Variants in SDK1 observed in about 807,000 individuals in gnomAD.
SDK1 encodes the protein protein sidekick-1.
A neutral mutation model predicts 245.5 loss-of-function variants in SDK1; 157 were observed. The observed-to-expected ratio is 0.64, with a 90% confidence interval of 0.56 to 0.73. SDK1 has a LOEUF of 0.73. Among genes scored for constraint, SDK1 ranks in the 30% least tolerant of loss-of-function variants. The pLI is 0.00. For synonymous variants in SDK1, 1,647 were observed against 1,278.5 expected (o/e 1.29, Z -6.15); for missense variants, 3,583 against 3,002.3 (o/e 1.19, Z -4.52).
chr7:3,768,313 G>T (rs1226536367), intron 4 of SDK1, among the ~76,000 whole-genome samples: 1 of 152,200 alleles, frequency 6.6e-6, no homozygotes, highest in African/African-American at 2.4e-5. Flanking sequence ...AAAGCAGAGT[G>T]TGAAGGTCCC....
intron 1 of SDK1, among the ~76,000 whole-genome samples, chr7:3,373,553 A>T (rs1426995208): frequency 4.6e-5 from 7 of 152,158 alleles, no homozygotes; most frequent in Middle Eastern, 3.2e-3. Flanking sequence ...TTAATAGTCA[A>T]CATCATTTAT....
In SDK1 at chr7:3,883,471, C is replaced by A. The variant is rs566648629; in HGVS notation, c.847+61888C>A. 2.6e-5 allele frequency among the ~76,000 whole-genome samples: 4 copies of A among 152,178 alleles called. No individual in the cohort carries two copies. The South Asian group carries it at 8.3e-4, about 32-fold the overall frequency. On this transcript the variant is annotated intron_variant, in intron 5 of 44. Coordinates refer to ENST00000404826, the MANE Select transcript of SDK1 (RefSeq NM_152744.4). ...CATGCAGGTGTGTGTATGTGTGCGG[C>A]CCTTCATTATTTGAGGCCCCTAAAA...
chr7:4,062,830 C>A (rs1779625249), intron 19 of SDK1, among the ~76,000 whole-genome samples: 1 of 152,256 alleles, frequency 6.6e-6, no homozygotes, highest in East Asian at 1.9e-4. Context: ...TGATACATCA[C>A]TCCAACATAA....
At chr7:3,450,104 T>C (rs1244032154) in intron 1 of SDK1, among the ~76,000 whole-genome samples, 1 of 152,158 alleles carries the variant, frequency 6.6e-6, no homozygotes, top group Non-Finnish European at 1.5e-5. Flanking sequence ...GAATAGTAAA[T>C]ATAGACACTG....
chr7:3,418,665 A>G (rs1206873208), intron 1 of SDK1, among the ~76,000 whole-genome samples: 1 of 152,214 alleles, frequency 6.6e-6, no homozygotes, highest in East Asian at 1.9e-4. Context: ...TTTATTGTTA[A>G]GACTTTCCAG....
chr7:4,267,317 T>C lies in SDK1; in HGVS notation c.*1933T>C. 1 of 443,822 alleles carries C rather than the reference T, an allele frequency of 2.3e-6. No individual in the cohort carries two copies. Among genetic ancestry groups the C allele is most frequent in the East Asian group, 2.0e-4 (1 of 5,108 alleles). The allele number at this position is 443,822 out of a possible 1,614,324, so 27.5% of individuals were successfully genotyped here. ...TCCTTCCCTCCCTTCTTTCCCTCCC[T>C]CCCTTCCTCTCTCCCCTATTCCTTC... On this transcript the variant is annotated 3_prime_UTR_variant, in exon 45 of 45. Coordinates refer to ENST00000404826, the MANE Select transcript of SDK1 (RefSeq NM_152744.4).
At chr7:3,646,428 C>T (rs1237846257) in intron 4 of SDK1, among the ~76,000 whole-genome samples, 2 of 151,962 alleles carry the variant, frequency 1.3e-5, no homozygotes, top group Non-Finnish European at 2.9e-5. Flanking sequence ...TATTGAGTAC[C>T]TACTTTAAAC....
intron 4 of SDK1, among the ~76,000 whole-genome samples, chr7:3,701,924 C>CAAAAAAAAAAAAA (rs58687135): frequency 1.3e-4 from 11 of 85,670 alleles, no homozygotes; most frequent in South Asian, 4.7e-4. Context: ...CGTGCATAAG[C>CAAAAAAAAAAAAA]AAAAAAAAAA....
At chr7:3,480,545 A>T (rs560684640) in intron 1 of SDK1, among the ~76,000 whole-genome samples, 1 of 152,250 alleles carries the variant, frequency 6.6e-6, no homozygotes, top group South Asian at 2.1e-4. Flanking sequence ...GCCCATGGAC[A>T]CTTGCCTCCT....
intron 1 of SDK1, among the ~76,000 whole-genome samples, chr7:3,618,851 G>C (rs868360319): frequency 6.6e-6 from 1 of 152,208 alleles, no homozygotes; most frequent in Non-Finnish European, 1.5e-5. Context: ...GAACCTGTCA[G>C]ATGCTTTCAA....
chr7:4,052,064 G>T (rs1351768799), intron 19 of SDK1, among the ~76,000 whole-genome samples: 1 of 152,068 alleles, frequency 6.6e-6, no homozygotes, highest in Non-Finnish European at 1.5e-5. Context: ...TCTGGGGACA[G>T]GGGGTGGAGA....
At chr7:3,342,398 G>C (rs1780371812) in intron 1 of SDK1, among the ~76,000 whole-genome samples, 2 of 152,094 alleles carry the variant, frequency 1.3e-5, no homozygotes, top group South Asian at 4.1e-4. Context: ...AGATCAGCCT[G>C]ACCGACATGG....
At chr7:3,371,704 G>C (rs186049978) in intron 1 of SDK1, among the ~76,000 whole-genome samples, 2 of 152,236 alleles carry the variant, frequency 1.3e-5, no homozygotes, top group Non-Finnish European at 2.9e-5. Flanking sequence ...AGATAAAAGT[G>C]GGTAAATACG....
intron 4 of SDK1, among the ~76,000 whole-genome samples, chr7:3,793,254 A>G (rs914152156): frequency 6.6e-6 from 1 of 152,186 alleles, no homozygotes; most frequent in Non-Finnish European, 1.5e-5. Flanking sequence ...ATATTAAAAG[A>G]TCCTGTCAAT....
intron 1 of SDK1, among the ~76,000 whole-genome samples, chr7:3,535,476 G>C (rs1052297052): frequency 6.6e-6 from 1 of 152,112 alleles, no homozygotes; most frequent in African/African-American, 2.4e-5. Context: ...TGTATGGAAA[G>C]AAAGCTGGCT....
At chr7:3,854,123 A>G (rs1480921191) in intron 5 of SDK1, among the ~76,000 whole-genome samples, 1 of 152,178 alleles carries the variant, frequency 6.6e-6, no homozygotes, top group Non-Finnish European at 1.5e-5. Context: ...TTCTAGAGAC[A>G]GGATACTTGA....
chr7:4,248,757 T>C (rs1283810293), intron 44 of SDK1, among the ~76,000 whole-genome samples: 5 of 152,058 alleles, frequency 3.3e-5, no homozygotes, highest in Admixed American at 2.6e-4. Context: ...AAAATTTGCA[T>C]GTGCACACAT....
chr7:3,854,444 A>T (rs1780491728), intron 5 of SDK1, among the ~76,000 whole-genome samples: 1 of 152,182 alleles, frequency 6.6e-6, no homozygotes, highest in South Asian at 2.1e-4. Flanking sequence ...CCCCTGTCTC[A>T]TTTCCTTACC....
intron 4 of SDK1, among the ~76,000 whole-genome samples, chr7:3,803,517 A>T (rs1297641660): frequency 6.6e-6 from 1 of 151,130 alleles, no homozygotes; most frequent in Non-Finnish European, 1.5e-5. Flanking sequence ...CACCATGTGG[A>T]CCAGGCTGGT....
Sources: gnomAD v4.1 joint callset for allele counts (sites outside exome capture counted in the v4.1 genomes callset) on GRCh38, gnomAD v4.1.1 for gene constraint, MANE v1.5 for transcripts, NCBI Gene and HGNC (gene_info 2026-07-23, HGNC 2026-07-21) for gene names.